The following LHFPL3 variants were observed in gnomAD, a reference collection of about 807,000 sequenced individuals.
The protein encoded by LHFPL3 is LHFPL tetraspan subfamily member 3.
Under a neutral mutation model 19.3 loss-of-function variants are expected in LHFPL3, and 5 were observed. The ratio of observed to expected loss-of-function variants is 0.26; its 90% CI spans 0.14 to 0.54. LHFPL3 has a LOEUF of 0.54. Among genes scored for constraint, LHFPL3 ranks in the 20% least tolerant of loss-of-function variants. The probability of loss-of-function intolerance (pLI) is 0.94; values close to 1 mark genes in which losing one functional copy is unlikely to be tolerated. For synonymous variants in LHFPL3, 133 were observed against 126.2 expected (o/e 1.05, Z -0.36); for missense variants, 249 against 307.4 (o/e 0.81, Z 1.42).
At chr7:104,811,148 CTT>C in intron 2 of LHFPL3, among the ~76,000 whole-genome samples, 1 of 15,704 alleles carries the variant, frequency 6.4e-5, no homozygotes, top group Non-Finnish European at 3.7e-4. Context: ...TCCTTTCTTT[CTT>C]TTTCTTTCTT....
intron 1 of LHFPL3, among the ~76,000 whole-genome samples, chr7:104,494,229 T>C (rs1387298886): frequency 1.3e-5 from 2 of 152,218 alleles, no homozygotes; most frequent in East Asian, 3.8e-4. Flanking sequence ...AAATAATATG[T>C]GTAATATCTG....
intron 2 of LHFPL3, among the ~76,000 whole-genome samples, chr7:104,765,153 A>C (rs17491234): frequency 0.16 from 24,969 of 152,240 alleles, 2,685 homozygotes; most frequent in South Asian, 0.41. Flanking sequence ...TTGGACTCTT[A>C]CATTCTGATA....
chr7:104,576,418 T>C (rs1464323372), intron 1 of LHFPL3, among the ~76,000 whole-genome samples: 24 of 152,128 alleles, frequency 1.6e-4, no homozygotes, highest in Admixed American at 1.6e-3. Flanking sequence ...TATACTTAGA[T>C]TGTATGTTCA....
At chr7:104,730,092 G>A (rs1793670428) in intron 1 of LHFPL3, among the ~76,000 whole-genome samples, 2 of 152,144 alleles carry the variant, frequency 1.3e-5, no homozygotes, top group African/African-American at 4.8e-5. Context: ...TTTTATGGCT[G>A]CAGAGTATTC....
At chr7:104,679,941 A>G (rs972737923) in intron 1 of LHFPL3, among the ~76,000 whole-genome samples, 2 of 152,076 alleles carry the variant, frequency 1.3e-5, no homozygotes, top group African/African-American at 4.8e-5. Flanking sequence ...CCCTAACTAC[A>G]TTCTCTCCCT....
At chr7:104,709,109 G>A (rs4361705) in intron 1 of LHFPL3, among the ~76,000 whole-genome samples, 68,909 of 151,630 alleles carry the variant, frequency 0.45, 16,502 homozygotes, top group East Asian at 0.69. Flanking sequence ...AGGAAAATCA[G>A]TGGAGTCCCT....
chr7:104,538,221 G>A (rs1189299394), intron 1 of LHFPL3, among the ~76,000 whole-genome samples: 1 of 152,166 alleles, frequency 6.6e-6, no homozygotes, highest in Non-Finnish European at 1.5e-5. Context: ...GCAAATCTGA[G>A]CACTGTAACA....
chr7:104,527,323 G>T (rs369430800), intron 1 of LHFPL3, among the ~76,000 whole-genome samples: 8 of 152,050 alleles, frequency 5.3e-5, no homozygotes, highest in African/African-American at 1.7e-4. Context: ...CTATAAGATC[G>T]CCCAGGTTTC....
At chr7:104,540,653 A>G (rs1794468263) in intron 1 of LHFPL3, among the ~76,000 whole-genome samples, 1 of 152,220 alleles carries the variant, frequency 6.6e-6, no homozygotes, top group African/African-American at 2.4e-5. Context: ...ACAACTTTCT[A>G]TATGTCAGGC....
Position 104,823,013 on chromosome 7 carries a change from C to T in LHFPL3, c.683-83174C>T, listed in dbSNP as rs73181894. 8.2e-3 allele frequency among the ~76,000 whole-genome samples: 1,243 copies of T among 152,182 alleles called. 10 individuals are homozygous for T. Among genetic ancestry groups the T allele is most frequent in the Non-Finnish European group, 0.013 (915 of 68,008 alleles). ...CAGGCCTCCAGAGCCGTACGCTCTGCATGAAGAGGTGAGCACAGACATCCC... is the reference window on the plus strand; with the variant it reads ...CAGGCCTCCAGAGCCGTACGCTCTGTATGAAGAGGTGAGCACAGACATCCC... On this transcript the variant is annotated intron_variant, in intron 2 of 2. Coordinates refer to ENST00000424859, the MANE Select transcript of LHFPL3 (RefSeq NM_199000.3).
chr7:104,589,054 C>A (rs1790647323), intron 1 of LHFPL3, among the ~76,000 whole-genome samples: 1 of 152,166 alleles, frequency 6.6e-6, no homozygotes, highest in Non-Finnish European at 1.5e-5. Flanking sequence ...ATGTCATCTG[C>A]AAACAGGGAC....
At chr7:104,401,834 C>G (rs1379040966) in intron 1 of LHFPL3, among the ~76,000 whole-genome samples, 1 of 152,108 alleles carries the variant, frequency 6.6e-6, no homozygotes, top group Non-Finnish European at 1.5e-5. Context: ...GTGCACCCCT[C>G]ATTAAGAGAA....
chr7:104,474,081 G>A (rs545499120), intron 1 of LHFPL3, among the ~76,000 whole-genome samples: 2 of 152,140 alleles, frequency 1.3e-5, no homozygotes, highest in African/African-American at 2.4e-5. Context: ...CAAGCTAGGG[G>A]ACACATGTGA....
At chr7:104,443,395 A>G (rs1158017237) in intron 1 of LHFPL3, among the ~76,000 whole-genome samples, 8 of 152,290 alleles carry the variant, frequency 5.3e-5, no homozygotes, top group African/African-American at 1.9e-4. Flanking sequence ...TAGGGTCTGT[A>G]TTCTCCTGTG....
intron 1 of LHFPL3, among the ~76,000 whole-genome samples, chr7:104,371,103 G>A (rs1402580949): frequency 6.6e-6 from 1 of 152,048 alleles, no homozygotes; most frequent in Non-Finnish European, 1.5e-5. Context: ...GATCTCCTGT[G>A]GTCCTGTGGT....
intron 1 of LHFPL3, among the ~76,000 whole-genome samples, chr7:104,647,922 CCTCT>C (rs1157294397): frequency 6.6e-6 from 1 of 152,146 alleles, no homozygotes; most frequent in East Asian, 1.9e-4. Flanking sequence ...CTACTGGACA[CCTCT>C]CTAATTGACA....
At chr7:104,877,755 C>A (rs1791976465) in intron 2 of LHFPL3, among the ~76,000 whole-genome samples, 1 of 151,854 alleles carries the variant, frequency 6.6e-6, no homozygotes, top group African/African-American at 2.4e-5. Flanking sequence ...TATGACCCAG[C>A]AATTCCATGC....
rs1223610873 is a variant in LHFPL3 at position 104,827,627 on chromosome 7, T to G, written c.683-78560T>G. Among the ~76,000 whole-genome samples the G allele has an allele frequency of 2.0e-5, 3 of 151,720 alleles. No homozygotes were observed. In the East Asian group the frequency reaches 5.8e-4, roughly 29 times the overall value. ...GTTTTGTTTTGTTTTTTTTTTTGAT[T>G]GATAGTATCTTGTCTGCATAAGAAG... is the stretch of plus-strand genomic sequence containing the variant. On this transcript the variant is annotated intron_variant, in intron 2 of 2. Coordinates refer to ENST00000424859, the MANE Select transcript of LHFPL3 (RefSeq NM_199000.3).
intron 1 of LHFPL3, among the ~76,000 whole-genome samples, chr7:104,561,009 C>G (rs1034546263): frequency 6.6e-6 from 1 of 151,160 alleles, no homozygotes; most frequent in African/African-American, 2.5e-5. Flanking sequence ...AGATTCTTAA[C>G]CCTGAGTTCT....
Sources: allele counts gnomAD v4.1 joint callset (sites outside exome capture counted in the v4.1 genomes callset), GRCh38; gene constraint gnomAD v4.1.1; transcripts MANE v1.5; gene names NCBI Gene and HGNC (gene_info 2026-07-23, HGNC 2026-07-21).